The following SCAF8 variants were observed in gnomAD, a reference collection of about 807,000 sequenced individuals.
SCAF8 encodes SR-related CTD associated factor 8, also known as SR-related and CTD-associated factor 8.
A neutral mutation model predicts 140.5 loss-of-function variants in SCAF8; 23 were observed. The ratio of observed to expected loss-of-function variants is 0.16; its 90% CI spans 0.12 to 0.23. The LOEUF (loss-of-function observed/expected upper bound fraction) is 0.23, where lower values mean the gene tolerates loss of function less well. SCAF8 is among the 10% of genes least tolerant of loss of function. SCAF8 has a pLI of 1.00. For synonymous variants in SCAF8, 575 were observed against 528.9 expected, an observed-to-expected ratio of 1.09 and a Z score of -1.20; for missense variants, 1,397 against 1,555.7, an observed-to-expected ratio of 0.90 and a Z score of 1.72.
At chr6:154,831,602 T>C (rs530713284) in intron 19 of SCAF8, among the ~76,000 whole-genome samples, 92 of 150,978 alleles carry the variant, frequency 6.1e-4, no homozygotes, top group African/African-American at 2.1e-3. Context: ...AATTATGGTT[T>C]AGAGGCACTT....
In SCAF8 at chr6:154,833,308, A is replaced by C. The variant is rs1440580259; in HGVS notation, c.3729A>C (p.Ser1243=). Residue 1243 remains serine (S), a synonymous_variant, in exon 20 of 20, where the codon TCA becomes TCC. Coordinates refer to ENST00000367178, the MANE Select transcript of SCAF8 (RefSeq NM_014892.5). ...AACTTTATGAAAAACTGACATCTTC[A>C]AATGAAATAAACAAGGAGAAGAGTG... is the stretch of plus-strand genomic sequence containing the variant. ...DPELYEKLTS[S]NEINKEKSDT... 5.6e-6 allele frequency: 9 copies of C among 1,613,942 alleles called. No homozygotes were observed. The highest frequency in any genetic ancestry group is 1.3e-5 in the African/African-American group (1 of 74,952).
intron 18 of SCAF8, among the ~76,000 whole-genome samples, chr6:154,830,013 A>G (rs1477866080): frequency 6.6e-6 from 1 of 152,214 alleles, no homozygotes; most frequent in Admixed American, 6.5e-5. Context: ...GTCATTTCTG[A>G]ATTCACTATT....
At position 154,784,150 on chromosome 6, in the gene SCAF8, TATA is replaced by T. The variant is rs1777179578; in HGVS notation, c.160-3710_160-3708del. On this transcript the variant is annotated intron_variant, in intron 3 of 19. Coordinates refer to ENST00000367178, the MANE Select transcript of SCAF8 (RefSeq NM_014892.5). ...ATATATATATATATATATATATATA[TATA>T]TATATTTATTTATTTATTTTTCATG... Among the ~76,000 whole-genome samples, 37 of 125,626 alleles carry T rather than the reference TATA, an allele frequency of 2.9e-4. 2 individuals are homozygous for T. The allele number at this position is 125,626 out of a possible 152,430, so 82.4% of individuals were successfully genotyped here.
chr6:154,824,588 C>T (rs1778509914), intron 17 of SCAF8, among the ~76,000 whole-genome samples: 1 of 152,146 alleles, frequency 6.6e-6, no homozygotes, highest in African/African-American at 2.4e-5. Flanking sequence ...AACTTGTTCT[C>T]AGGATGCAGA....
intron 1 of SCAF8, among the ~76,000 whole-genome samples, chr6:154,770,388 A>ACTCTCTCTCTCTCTCTCTCTCTCTCTCT (rs58596375): frequency 7.0e-6 from 1 of 141,918 alleles, no homozygotes; most frequent in African/African-American, 2.6e-5. Context: ...ACACACACAC[A>ACTCTCTCTCTCTCTCTCTCTCTCTCTCT]CTCTCTCTCT....
intron 3 of SCAF8, among the ~76,000 whole-genome samples, chr6:154,784,552 G>T (rs887609495): frequency 6.6e-6 from 1 of 151,984 alleles, no homozygotes; most frequent in African/African-American, 2.4e-5. Flanking sequence ...CAAAATTTGG[G>T]GAAAAAATAT....
At chr6:154,775,876 T>C (rs906900632) in intron 2 of SCAF8, among the ~76,000 whole-genome samples, 7 of 152,154 alleles carry the variant, frequency 4.6e-5, no homozygotes, top group African/African-American at 1.4e-4. Flanking sequence ...CAAATTATTA[T>C]GGTGAGCAGG....
At chr6:154,779,791 A>G (rs867679240) in intron 3 of SCAF8, among the ~76,000 whole-genome samples, 7,832 of 148,626 alleles carry the variant, frequency 0.053, 554 homozygotes, top group African/African-American at 0.17. Context: ...GTATATATAT[A>G]TATATATATA....
chr6:154,738,467 A>AT (rs1338826940), intron 1 of SCAF8, among the ~76,000 whole-genome samples: 1 of 152,162 alleles, frequency 6.6e-6, no homozygotes, highest in Non-Finnish European at 1.5e-5. Context: ...TCAATAATTT[A>AT]TTTTTTAAGT....
chr6:154,734,013 G>C (rs1435585574), intron 1 of SCAF8, 83 bp downstream of exon 1: 5 of 1,427,876 alleles, frequency 3.5e-6, no homozygotes, highest in East Asian at 2.8e-5. Flanking sequence ...GGGTGGGCGC[G>C]GGCCTGCGGG....
chr6:154,833,201 G>C lies in SCAF8; in HGVS notation c.3622G>C (p.Gly1208Arg). 1 of 1,614,058 alleles carries C rather than the reference G, an allele frequency of 6.2e-7. No individual in the cohort carries two copies. The highest frequency in any genetic ancestry group is 8.5e-7 in the Non-Finnish European group (1 of 1,180,000). The change falls in exon 20 of 20, where the codon GGT becomes CGT. Residue 1208 changes from glycine (G) to arginine (R), a missense_variant. Transcript: ENST00000367178. ...TGAAGGGGCCACTTCTCAACGAAAAGGTGATAATGTGCCTCAGGTTAATGG... is the reference window on the plus strand; with the variant it reads ...TGAAGGGGCCACTTCTCAACGAAAACGTGATAATGTGCCTCAGGTTAATGG... ...YFEGATSQRK[G>R]DNVPQVNGEN...
At chr6:154,753,063 T>C (rs1353879273) in intron 1 of SCAF8, among the ~76,000 whole-genome samples, 2 of 152,092 alleles carry the variant, frequency 1.3e-5, no homozygotes, top group Non-Finnish European at 2.9e-5. Flanking sequence ...GCATGGTGGC[T>C]CACTCCTGTA....
Position 154,815,713 on chromosome 6 carries a change from C to CAGT in SCAF8, c.1421-1_1422dup. ...AGGTCATTTGTCTCTTGTGTCTTGA[C>CAGT]AGTATGTAGTACTACTCTCTGGGTT... On this transcript the variant is annotated splice_region_variant and splice_polypyrimidine_tract_variant and intron_variant, in intron 12 of 19. Coordinates refer to ENST00000367178, the MANE Select transcript of SCAF8 (RefSeq NM_014892.5). 1 of 1,576,306 alleles carries CAGT rather than the reference C, an allele frequency of 6.3e-7. No individual in the cohort carries two copies. The highest frequency in any genetic ancestry group is 8.7e-7 in the Non-Finnish European group (1 of 1,146,680).
chr6:154,757,910 T>C (rs1166605091), intron 1 of SCAF8, among the ~76,000 whole-genome samples: 3 of 131,080 alleles, frequency 2.3e-5, no homozygotes, highest in African/African-American at 5.4e-5. Context: ...TAAGTTTCAC[T>C]TTTTTTTTTT....
intron 6 of SCAF8, among the ~76,000 whole-genome samples, chr6:154,801,492 C>T (rs1777770657): frequency 6.6e-6 from 1 of 151,392 alleles, no homozygotes; most frequent in South Asian, 2.1e-4. Flanking sequence ...CAAGAGTTGC[C>T]TTCAACTCTA....
At chr6:154,780,196 C>T (rs1777045717) in intron 3 of SCAF8, among the ~76,000 whole-genome samples, 1 of 152,110 alleles carries the variant, frequency 6.6e-6, no homozygotes, top group Non-Finnish European at 1.5e-5. Flanking sequence ...TCCCTAATGC[C>T]TGGCAGTCAT....
chr6:154,794,777 G>A (rs796820214), intron 5 of SCAF8, among the ~76,000 whole-genome samples: 1 of 54,610 alleles, frequency 1.8e-5, no homozygotes, highest in Non-Finnish European at 4.0e-5. Context: ...GGGGGGTGTG[G>A]GGGGTGTGTG....
Position 154,815,726 on chromosome 6 carries a change from T to C in SCAF8, c.1431T>C (p.Thr477=). 1 of 1,606,452 alleles carries C rather than the reference T, an allele frequency of 6.2e-7. No individual in the cohort carries two copies. The highest frequency in any genetic ancestry group is 8.5e-7 in the Non-Finnish European group (1 of 1,173,240). Residue 477 remains threonine (T), a synonymous_variant, in exon 13 of 20, where the codon ACT becomes ACC. Transcript: ENST00000367178. ...IRSKTLSVCS[T]TLWVGQVDKK... is the part of the protein sequence containing the mutation. ...CTTGTGTCTTGACAGTATGTAGTAC[T>C]ACTCTCTGGGTTGGGCAAGTGGACA...
chr6:154,824,449 A>T, intron 17 of SCAF8, 71 bp downstream of exon 17: 7 of 1,399,636 alleles, frequency 5.0e-6, no homozygotes, highest in Non-Finnish European at 7.0e-6. Flanking sequence ...TTCCAGATTT[A>T]AGTACCATAG....
Sources: allele counts gnomAD v4.1 joint callset (sites outside exome capture counted in the v4.1 genomes callset), GRCh38; gene constraint gnomAD v4.1.1; transcripts MANE v1.5; gene names NCBI Gene and HGNC (gene_info 2026-07-23, HGNC 2026-07-21).